Variants in ZNF385D observed in about 807,000 individuals in gnomAD.
ZNF385D encodes zinc finger protein 385D.
Under a neutral mutation model 35.8 loss-of-function variants are expected in ZNF385D, and 15 were observed. The observed-to-expected ratio is 0.42, with a 90% CI of 0.28 to 0.64. ZNF385D has a LOEUF of 0.64. Ranked by LOEUF, ZNF385D falls within the 30% of genes least tolerant of loss-of-function variation. The pLI, the probability that ZNF385D is intolerant of heterozygous loss-of-function variation, is 0.23. For missense variants in ZNF385D, 474 were observed against 494.6 expected, an observed-to-expected ratio of 0.96 and a Z score of 0.39; for synonymous variants, 212 against 186.8, an observed-to-expected ratio of 1.13 and a Z score of -1.10.
At chr3:21,831,552 T>A (rs1694987514) in intron 3 of ZNF385D, among the ~76,000 whole-genome samples, 1 of 152,194 alleles carries the variant, frequency 6.6e-6, no homozygotes, top group Non-Finnish European at 1.5e-5. Flanking sequence ...AGGTTATCCA[T>A]ACCACTTAGC....
intron 4 of ZNF385D, among the ~76,000 whole-genome samples, chr3:21,455,184 C>T (rs1702718024): frequency 6.6e-6 from 1 of 152,138 alleles, no homozygotes; most frequent in African/African-American, 2.4e-5. Flanking sequence ...AGATTCAATG[C>T]CATCCCCATC....
chr3:22,352,726 C>T (rs929663957), intron 2 of ZNF385D, among the ~76,000 whole-genome samples: 2 of 152,128 alleles, frequency 1.3e-5, no homozygotes, highest in Non-Finnish European at 2.9e-5. Flanking sequence ...TCACTCTAAA[C>T]ATATTCAGTA....
chr3:21,841,245 A>G lies in ZNF385D; in HGVS notation c.326-176217T>C, dbSNP rs147413499. On this transcript the variant is annotated intron_variant, in intron 3 of 5. Transcript: ENST00000494108. Reference sequence around the variant, plus strand: ...TCATTCTCTTTAATAGCTTCATAGTAATACCAAAAATAGATGCACATTATT... The same window carrying G: ...TCATTCTCTTTAATAGCTTCATAGTGATACCAAAAATAGATGCACATTATT... Among the ~76,000 whole-genome samples the G allele has an allele frequency of 1.0e-3, 152 of 152,144 alleles. 1 individual carries two copies. The highest frequency in any genetic ancestry group is 1.7e-3 in the Non-Finnish European group (116 of 67,972).
At chr3:22,082,335 G>A (rs1700795575) in intron 3 of ZNF385D, among the ~76,000 whole-genome samples, 2 of 152,096 alleles carry the variant, frequency 1.3e-5, no homozygotes, top group Admixed American at 1.3e-4. Flanking sequence ...GGAAAATTGG[G>A]ACACTTCTGC....
intron 1 of ZNF385D, among the ~76,000 whole-genome samples, chr3:21,698,253 A>C (rs2125370887): frequency 6.6e-6 from 1 of 152,348 alleles, no homozygotes; most frequent in East Asian, 1.9e-4. Flanking sequence ...TATATCATGG[A>C]ATAACTATTC....
intron 1 of ZNF385D, among the ~76,000 whole-genome samples, chr3:21,696,808 G>C (rs148563758): frequency 1.6e-4 from 25 of 152,316 alleles, no homozygotes; most frequent in African/African-American, 5.5e-4. Context: ...AATCAGTAGA[G>C]CATACAATTA....
intron 2 of ZNF385D, among the ~76,000 whole-genome samples, chr3:22,333,483 G>A (rs1156425560): frequency 1.3e-5 from 2 of 151,406 alleles, no homozygotes; most frequent in Non-Finnish European, 2.9e-5. Context: ...TTTTCTCTCT[G>A]TTATTTGGAT....
Position 22,019,034 on chromosome 3 carries a change from C to CTTTTTTT in ZNF385D, c.325+149776_325+149782dup, listed in dbSNP as rs11380195. On this transcript the variant is annotated intron_variant, in intron 3 of 5. Coordinates refer to the ZNF385D transcript ENST00000494108. ...CAGTTTCATGGATAGAGTTATTTACCTTTTTTTTTTTTTTTTTTTTTTTTT... is the reference window on the plus strand; with the variant it reads ...CAGTTTCATGGATAGAGTTATTTACCTTTTTTTTTTTTTTTTTTTTTTTTTTTTTTTT... Among the ~76,000 whole-genome samples, 362 of 64,448 alleles carry CTTTTTTT rather than the reference C, an allele frequency of 5.6e-3. 59 individuals are homozygous for CTTTTTTT. Among genetic ancestry groups the CTTTTTTT allele is most frequent in the Middle Eastern group, 0.016 (1 of 64 alleles). The allele number at this position is 64,448 out of a possible 152,430, so 42.3% of individuals were successfully genotyped here.
At chr3:22,005,423 C>A (rs1489990808) in intron 3 of ZNF385D, among the ~76,000 whole-genome samples, 2 of 152,012 alleles carry the variant, frequency 1.3e-5, no homozygotes, top group Admixed American at 6.6e-5. Context: ...ATCTATTGTT[C>A]AGTAGTGTCG....
At chr3:22,281,891 TG>T (rs913800670) in intron 2 of ZNF385D, among the ~76,000 whole-genome samples, 9 of 152,098 alleles carry the variant, frequency 5.9e-5, no homozygotes, top group Non-Finnish European at 1.3e-4. Flanking sequence ...TTGGTGGTGG[TG>T]GTAACTTTTT....
At chr3:21,917,086 G>C (rs1039091348) in intron 3 of ZNF385D, among the ~76,000 whole-genome samples, 6 of 152,142 alleles carry the variant, frequency 3.9e-5, no homozygotes, top group African/African-American at 1.4e-4. Flanking sequence ...GTCCATTAAA[G>C]AATTATTATC....
intron 3 of ZNF385D, among the ~76,000 whole-genome samples, chr3:22,154,272 C>T (rs970534097): frequency 7.2e-5 from 11 of 152,160 alleles, no homozygotes; most frequent in African/African-American, 2.4e-4. Flanking sequence ...ATTTTCCTGG[C>T]TAACCTCATC....
At chr3:22,274,197 T>C (rs771424715) in intron 2 of ZNF385D, among the ~76,000 whole-genome samples, 5 of 151,966 alleles carry the variant, frequency 3.3e-5, no homozygotes, top group Admixed American at 6.6e-5. Context: ...AATCAGAATA[T>C]AGCACTTAGA....
At chr3:22,186,922 A>C (rs943570830) in intron 2 of ZNF385D, among the ~76,000 whole-genome samples, 30 of 152,288 alleles carry the variant, frequency 2.0e-4, no homozygotes, top group African/African-American at 7.2e-4. Flanking sequence ...TACAAATCTA[A>C]TTCACTTAAT....
chr3:22,078,222 C>A (rs1700565040), intron 3 of ZNF385D, among the ~76,000 whole-genome samples: 3 of 151,656 alleles, frequency 2.0e-5, no homozygotes, highest in Non-Finnish European at 4.4e-5. Flanking sequence ...CAGCATAGAC[C>A]CTTTTCAAAA....
intron 3 of ZNF385D, among the ~76,000 whole-genome samples, chr3:22,030,034 T>A (rs1483251361): frequency 6.6e-6 from 1 of 151,578 alleles, no homozygotes; most frequent in African/African-American, 2.4e-5. Context: ...CCTAATCAGC[T>A]GCCAGCAAAT....
At chr3:21,751,380 A>AC, upstream of ZNF385D, 1 of 1,022,932 alleles carries the variant, frequency 9.8e-7, no homozygotes, top group Admixed American at 5.5e-5. Context: ...GGCTCTCTTA[A>AC]AGCGAGAAGA....
intron 2 of ZNF385D, among the ~76,000 whole-genome samples, chr3:21,571,437 A>G (rs2063331707): frequency 6.6e-6 from 1 of 152,230 alleles, no homozygotes; most frequent in African/African-American, 2.4e-5. Flanking sequence ...TGTTGGATAT[A>G]GTAGTCATTT....
intron 2 of ZNF385D, among the ~76,000 whole-genome samples, chr3:21,636,379 T>TAC (rs1559478754): frequency 2.5e-3 from 9 of 3,668 alleles, no homozygotes; most frequent in African/African-American, 0.011. Context: ...TATATATGAT[T>TAC]ATATATATAT....
Sources: allele counts gnomAD v4.1 joint callset (sites outside exome capture counted in the v4.1 genomes callset), GRCh38; gene constraint gnomAD v4.1.1; transcripts MANE v1.5; gene names NCBI Gene and HGNC (gene_info 2026-07-23, HGNC 2026-07-21).